PDE3A: variants seen among roughly 807,000 people sequenced by gnomAD.
The protein encoded by PDE3A is phosphodiesterase 3A.
In PDE3A, 43 loss-of-function variants were observed where a neutral mutation model predicts 98.3. The observed-to-expected ratio is 0.44, with a 90% CI of 0.34 to 0.56. The LOEUF (loss-of-function observed/expected upper bound fraction) is 0.56. Among genes scored for constraint, PDE3A ranks in the 20% least tolerant of loss-of-function variants. The pLI is 0.01. For missense variants in PDE3A, 1,427 were observed against 1,440.7 expected (o/e 0.99, Z 0.15); for synonymous variants, 663 against 567.9 (o/e 1.17, Z -2.38).
chr12:20,453,743 C>T (rs183427293), intron 1 of PDE3A, among the ~76,000 whole-genome samples: 3 of 152,228 alleles, frequency 2.0e-5, no homozygotes, highest in Admixed American at 6.5e-5. Context: ...CCAGTTGCTC[C>T]GAGTCTCCCT....
At chr12:20,461,601 A>G (rs1382348125) in intron 1 of PDE3A, among the ~76,000 whole-genome samples, 1 of 152,200 alleles carries the variant, frequency 6.6e-6, no homozygotes, top group Non-Finnish European at 1.5e-5. Flanking sequence ...GAAAAATTAG[A>G]TAAACATAAT....
chr12:20,614,080 A>T (rs1457512742), intron 3 of PDE3A, among the ~76,000 whole-genome samples: 1 of 152,006 alleles, frequency 6.6e-6, no homozygotes, highest in Non-Finnish European at 1.5e-5. Context: ...AAATTCATTG[A>T]CTCCTAAAGC....
At chr12:20,597,035 A>ATCTT (rs1943483158) in intron 2 of PDE3A, among the ~76,000 whole-genome samples, 2 of 152,172 alleles carry the variant, frequency 1.3e-5, no homozygotes, top group Admixed American at 1.3e-4. Flanking sequence ...GCAGCTTAAG[A>ATCTT]TCTTTGTAAC....
chr12:20,664,868 A>G (rs1945269264), intron 15 of PDE3A, among the ~76,000 whole-genome samples: 2 of 152,030 alleles, frequency 1.3e-5, no homozygotes, highest in Admixed American at 6.6e-5. Context: ...TATACTCCTC[A>G]TCCAACCTTC....
intron 1 of PDE3A, among the ~76,000 whole-genome samples, chr12:20,446,499 G>A (rs560965846): frequency 6.3e-4 from 96 of 152,308 alleles, no homozygotes; most frequent in African/African-American, 2.3e-3. Flanking sequence ...CGGGAACAAG[G>A]TTGGTGAGTA....
At chr12:20,563,421 G>A (rs934125892) in intron 2 of PDE3A, among the ~76,000 whole-genome samples, 4 of 105,846 alleles carry the variant, frequency 3.8e-5, no homozygotes, top group African/African-American at 1.4e-4. Context: ...GGATTAATGT[G>A]AGCAGATTGG....
chr12:20,660,417 A>G (rs562840177), intron 15 of PDE3A, among the ~76,000 whole-genome samples: 19 of 152,336 alleles, frequency 1.2e-4, no homozygotes, highest in African/African-American at 3.8e-4. Flanking sequence ...GAACACAGTA[A>G]CAGGCAGAGA....
At chr12:20,541,844 A>T (rs575772335) in intron 1 of PDE3A, among the ~76,000 whole-genome samples, 6 of 152,262 alleles carry the variant, frequency 3.9e-5, no homozygotes, top group South Asian at 4.1e-4. Flanking sequence ...AGGGGCAGAG[A>T]TGTACTGTAA....
rs149711595 is a variant in PDE3A at position 20,465,698 on chromosome 12, C to T, written c.961-90962C>T. On this transcript the variant is annotated intron_variant, in intron 1 of 15. Coordinates refer to ENST00000359062, the MANE Select transcript of PDE3A (RefSeq NM_000921.5). ...TACTGGGATTACAGGCAGGAGCCAC[C>T]GTGCCCAGCCAGTACTTTTATTTTA... 2.5e-3 allele frequency among the ~76,000 whole-genome samples: 384 copies of T among 152,220 alleles called. 3 individuals are homozygous for T. The highest frequency in any genetic ancestry group is 8.7e-3 in the African/African-American group (363 of 41,546).
At chr12:20,506,846 T>C (rs1946128170) in intron 1 of PDE3A, among the ~76,000 whole-genome samples, 1 of 152,032 alleles carries the variant, frequency 6.6e-6, no homozygotes, top group South Asian at 2.1e-4. Flanking sequence ...AATTGATCAC[T>C]TAATGTTTCA....
intron 1 of PDE3A, among the ~76,000 whole-genome samples, chr12:20,418,665 G>A (rs1366252756): frequency 1.3e-5 from 2 of 151,946 alleles, no homozygotes; most frequent in African/African-American, 4.8e-5. Context: ...CATGCCCGTG[G>A]CAACTGTTTC....
chr12:20,633,954 C>T (rs949783822), intron 7 of PDE3A, among the ~76,000 whole-genome samples, 176 bp downstream of exon 7: 3 of 152,122 alleles, frequency 2.0e-5, no homozygotes, highest in Non-Finnish European at 4.4e-5. Context: ...CCCGCCTCAG[C>T]CTCTTGAAGT....
At chr12:20,548,687 G>T (rs35751737) in intron 1 of PDE3A, among the ~76,000 whole-genome samples, 8,562 of 152,082 alleles carry the variant, frequency 0.056, 419 homozygotes, top group African/African-American at 0.14. Context: ...TCTCTTGAAA[G>T]TTTAGTCAAA....
intron 1 of PDE3A, among the ~76,000 whole-genome samples, chr12:20,441,366 C>T (rs761947176): frequency 1.3e-4 from 20 of 151,670 alleles, no homozygotes; most frequent in African/African-American, 4.6e-4. Context: ...AAGACGTAGT[C>T]GAAGGCAACA....
chr12:20,601,960 C>CAA (rs1392484528), intron 2 of PDE3A, among the ~76,000 whole-genome samples: 4 of 152,140 alleles, frequency 2.6e-5, no homozygotes, highest in Non-Finnish European at 5.9e-5. Flanking sequence ...ATTTAACAGA[C>CAA]AAAGACCAGC....
chr12:20,444,271 C>T (rs772476970), intron 1 of PDE3A, among the ~76,000 whole-genome samples: 1 of 152,072 alleles, frequency 6.6e-6, no homozygotes, highest in Non-Finnish European at 1.5e-5. Flanking sequence ...CTGACCTGTC[C>T]ATCACGAATA....
intron 2 of PDE3A, among the ~76,000 whole-genome samples, chr12:20,608,836 T>C (rs1231988212): frequency 6.6e-6 from 1 of 152,052 alleles, no homozygotes; most frequent in East Asian, 1.9e-4. Context: ...AAGAGAACTT[T>C]GTAGTTATTA....
In PDE3A at chr12:20,408,212, C is replaced by A. The variant is rs1447931980; in HGVS notation, c.960+37968C>A. The stretch of plus-strand genomic sequence containing the variant: ...GGGATTACAGGCGTGAGCCACCATG[C>A]CTGGCCAATGTGTTTTCTTTCAAAT... On this transcript the variant is annotated intron_variant, in intron 1 of 15. Transcript: ENST00000359062. Among the ~76,000 whole-genome samples the A allele has an allele frequency of 5.3e-5, 8 of 152,208 alleles. No individual in the cohort carries two copies. The South Asian group carries it at 1.0e-3, about 20-fold the overall frequency.
At chr12:20,547,526 G>A (rs1942089651) in intron 1 of PDE3A, among the ~76,000 whole-genome samples, 1 of 152,124 alleles carries the variant, frequency 6.6e-6, no homozygotes, top group Non-Finnish European at 1.5e-5. Context: ...TATGTCTTCA[G>A]AAATATGTTT....
Sources: allele counts gnomAD v4.1 joint callset (sites outside exome capture counted in the v4.1 genomes callset), GRCh38; gene constraint gnomAD v4.1.1; transcripts MANE v1.5; gene names NCBI Gene and HGNC (gene_info 2026-07-23, HGNC 2026-07-21).